TRMT11: variants seen among roughly 807,000 people sequenced by gnomAD.
The protein encoded by TRMT11 is tRNA (guanine(10)-N(2))-methyltransferase TRMT11.
TRMT11 carries 53 observed loss-of-function variants against 62.8 expected under a neutral mutation model. That is an observed-to-expected ratio of 0.84 (90% CI 0.68 to 1.06). TRMT11 has a LOEUF of 1.06. Ranked by LOEUF, TRMT11 falls within the 50% of genes least tolerant of loss-of-function variation. The pLI is 0.00. For missense variants in TRMT11, 556 were observed against 553.4 expected, an observed-to-expected ratio of 1.00 and a Z score of -0.05; for synonymous variants, 188 against 190.3, an observed-to-expected ratio of 0.99 and a Z score of 0.10.
the TRMT11 span, among the ~76,000 whole-genome samples, chr6:126,270,354 A>C: frequency 6.6e-6 from 1 of 152,214 alleles, no homozygotes; most frequent in African/African-American, 2.4e-5. Context: ...AGGATGGTGA[A>C]GAACCTTATG....
At chr6:126,094,025 T>C (rs1028748281) in intron 17 of TRMT11, among the ~76,000 whole-genome samples, 2 of 152,034 alleles carry the variant, frequency 1.3e-5, no homozygotes, top group African/African-American at 4.8e-5. Flanking sequence ...TTCAGAGTAA[T>C]GCGTTCTTGA....
downstream of TRMT11, among the ~76,000 whole-genome samples, chr6:126,042,230 G>A (rs866373295): frequency 6.6e-6 from 1 of 152,074 alleles, no homozygotes; most frequent in African/African-American, 2.4e-5. Context: ...TATCCTTTGG[G>A]GTGAAAAACT....
intron 7 of TRMT11, among the ~76,000 whole-genome samples, chr6:126,008,178 G>C (rs914671620): frequency 6.6e-6 from 1 of 151,842 alleles, no homozygotes; most frequent in East Asian, 1.9e-4. Flanking sequence ...ATGATGCCAG[G>C]GTATACATTA....
chr6:126,103,469 G>C (rs1777426329), intron 17 of TRMT11, among the ~76,000 whole-genome samples: 1 of 152,160 alleles, frequency 6.6e-6, no homozygotes, highest in East Asian at 1.9e-4. Flanking sequence ...AATTCTGTAG[G>C]TCAGGTGTTG....
At chr6:126,137,345 G>A (rs1424103815) in intron 21 of TRMT11, among the ~76,000 whole-genome samples, 2 of 151,700 alleles carry the variant, frequency 1.3e-5, no homozygotes, top group African/African-American at 4.8e-5. Flanking sequence ...GAGCAAAAGA[G>A]CTTAATAGAC....
At chr6:126,203,919 TTGTG>T (rs71680476), downstream of TRMT11, among the ~76,000 whole-genome samples, 310 of 144,484 alleles carry the variant, frequency 2.1e-3, no homozygotes, top group African/African-American at 4.3e-3. Context: ...GATCATCATT[TTGTG>T]TGTGTGTGTG....
downstream of TRMT11, among the ~76,000 whole-genome samples, chr6:126,208,034 C>T (rs542758656): frequency 2.6e-5 from 4 of 152,016 alleles, no homozygotes; most frequent in East Asian, 3.9e-4. Flanking sequence ...ATGATTTACC[C>T]GCAAAGAAGA....
At chr6:126,193,490 A>ATTTTTTTTTTTT (rs60064329) in intron 1 of TRMT11, among the ~76,000 whole-genome samples, 1 of 73,276 alleles carries the variant, frequency 1.4e-5, no homozygotes, top group African/African-American at 5.6e-5. Flanking sequence ...GCGTTTCTGT[A>ATTTTTTTTTTTT]TTTTTTTTTT....
At chr6:126,088,683 G>A (rs1200143733) in intron 17 of TRMT11, among the ~76,000 whole-genome samples, 5 of 152,158 alleles carry the variant, frequency 3.3e-5, no homozygotes, top group Admixed American at 1.3e-4. Context: ...TTTGTGTGTA[G>A]GTACTTTCCT....
chr6:126,019,237 T>C (rs937122188), intron 11 of TRMT11, among the ~76,000 whole-genome samples: 5 of 152,222 alleles, frequency 3.3e-5, no homozygotes, highest in Non-Finnish European at 5.9e-5. Context: ...TGGGAGTGTA[T>C]TGTTAAATTA....
chr6:126,004,084 C>A (rs1477165446), intron 7 of TRMT11, among the ~76,000 whole-genome samples: 1 of 151,710 alleles, frequency 6.6e-6, no homozygotes, highest in African/African-American at 2.4e-5. Context: ...CTTTTTTTGT[C>A]AATTGAGAAT....
chr6:126,006,169 T>A (rs1793313229), intron 7 of TRMT11, among the ~76,000 whole-genome samples: 1 of 152,048 alleles, frequency 6.6e-6, no homozygotes, highest in African/African-American at 2.4e-5. Flanking sequence ...ATCCCATGGT[T>A]CGTCTAGTAG....
intron 12 of TRMT11, among the ~76,000 whole-genome samples, chr6:126,030,408 C>T (rs570842674): frequency 4.6e-5 from 7 of 152,226 alleles, no homozygotes; most frequent in African/African-American, 9.6e-5. Context: ...GAAAATAAAC[C>T]GACCCATTGT....
At chr6:126,025,575 T>A (rs1772903651) in intron 12 of TRMT11, among the ~76,000 whole-genome samples, 1 of 152,220 alleles carries the variant, frequency 6.6e-6, no homozygotes, top group Non-Finnish European at 1.5e-5. Flanking sequence ...TAATCATGTT[T>A]GGTTTTTAAT....
Position 126,012,904 on chromosome 6 carries a change from C to T in TRMT11, c.1007+52C>T, listed in dbSNP as rs1391695335. Reference sequence around the variant, plus strand: ...TACTACCTTGAGAAGAGGCATGTGGCTTCCCCGTTAACTTAGCACTCTTAA... The same window carrying T: ...TACTACCTTGAGAAGAGGCATGTGGTTTCCCCGTTAACTTAGCACTCTTAA... On this transcript the variant is annotated intron_variant, in intron 10 of 12. Coordinates refer to ENST00000334379, the MANE Select transcript of TRMT11 (RefSeq NM_001031712.3). The T allele has an allele frequency of 3.7e-6, 6 of 1,608,676 alleles. No individual in the cohort carries two copies. In the South Asian group the frequency reaches 4.4e-5, roughly 12 times the overall value.
chr6:126,270,090 A>C, the TRMT11 span, among the ~76,000 whole-genome samples: 1 of 152,250 alleles, frequency 6.6e-6, no homozygotes, highest in Non-Finnish European at 1.5e-5. Flanking sequence ...CAGTATTTCA[A>C]ATATATAATT....
the TRMT11 span, among the ~76,000 whole-genome samples, chr6:126,225,214 T>C: frequency 6.6e-6 from 1 of 152,202 alleles, no homozygotes; most frequent in African/African-American, 2.4e-5. Flanking sequence ...ACACAAGCTG[T>C]AGTCTTGTCC....
chr6:126,050,882 G>A (rs1324498220), intron 16 of TRMT11, among the ~76,000 whole-genome samples: 1 of 152,174 alleles, frequency 6.6e-6, no homozygotes, highest in African/African-American at 2.4e-5. Context: ...TGGTATGCTA[G>A]GCACTACAGG....
At chr6:126,223,608 A>G in the TRMT11 span, among the ~76,000 whole-genome samples, 1 of 152,010 alleles carries the variant, frequency 6.6e-6, no homozygotes, top group African/African-American at 2.4e-5. Flanking sequence ...TCTCACGTTG[A>G]CCTTGCAAAA....
Sources: allele counts gnomAD v4.1 joint callset (sites outside exome capture counted in the v4.1 genomes callset), GRCh38; gene constraint gnomAD v4.1.1; transcripts MANE v1.5; gene names NCBI Gene and HGNC (gene_info 2026-07-23, HGNC 2026-07-21).